Variants in AOPEP observed in about 807,000 individuals in gnomAD.
AOPEP encodes aminopeptidase O (putative), also known as aminopeptidase O.
AOPEP carries 77 observed loss-of-function variants against 98.1 expected under a neutral mutation model. The ratio of observed to expected loss-of-function variants is 0.78; its 90% CI spans 0.65 to 0.95. The LOEUF is 0.95. Among genes scored for constraint, AOPEP ranks in the 40% least tolerant of loss-of-function variants. The pLI is 0.00. For missense variants in AOPEP, 1,024 were observed against 1,024.7 expected (o/e 1.00, Z 0.01); for synonymous variants, 346 against 365.3 (o/e 0.95, Z 0.60).
intron 5 of AOPEP, among the ~76,000 whole-genome samples, chr9:94,856,113 G>A (rs12684154): frequency 0.071 from 10,783 of 152,228 alleles, 1,112 homozygotes; most frequent in African/African-American, 0.23. Flanking sequence ...CCCTGACCAC[G>A]AATGGCTGGG....
At chr9:94,856,138 G>A (rs2044181263) in intron 5 of AOPEP, among the ~76,000 whole-genome samples, 1 of 152,190 alleles carries the variant, frequency 6.6e-6, no homozygotes, top group South Asian at 2.1e-4. Flanking sequence ...TGCCATGTCT[G>A]TGCATTTGAC....
chr9:95,106,975 A>T, the AOPEP span: 1 of 1,258,482 alleles, frequency 7.9e-7, no homozygotes, highest in Non-Finnish European at 1.1e-6. Context: ...TGGTACACAC[A>T]CTGTGCAGAG....
chr9:94,884,118 T>C (rs891266275), intron 5 of AOPEP, among the ~76,000 whole-genome samples: 1 of 152,240 alleles, frequency 6.6e-6, no homozygotes, highest in African/African-American at 2.4e-5. Flanking sequence ...TCTGTCCTCA[T>C]CAGCACAAAG....
At chr9:94,808,481 G>A (rs891157269) in intron 5 of AOPEP, among the ~76,000 whole-genome samples, 11 of 152,116 alleles carry the variant, frequency 7.2e-5, no homozygotes, top group African/African-American at 4.8e-5. Flanking sequence ...GCACAAATCC[G>A]CCCTGATTTA....
At chr9:95,035,099 C>T (rs2064676540) in intron 13 of AOPEP, among the ~76,000 whole-genome samples, 1 of 151,708 alleles carries the variant, frequency 6.6e-6, no homozygotes, top group Non-Finnish European at 1.5e-5. Context: ...AGGTATTTCT[C>T]CTAATGCTAT....
intron 5 of AOPEP, among the ~76,000 whole-genome samples, chr9:94,832,888 G>A (rs958049761): frequency 6.6e-6 from 1 of 151,582 alleles, no homozygotes; most frequent in Admixed American, 6.6e-5. Flanking sequence ...GGTACAGATA[G>A]TAAGAGTTAG....
intron 5 of AOPEP, among the ~76,000 whole-genome samples, chr9:94,901,705 C>T (rs2050428660): frequency 6.6e-6 from 1 of 152,138 alleles, no homozygotes; most frequent in East Asian, 1.9e-4. Context: ...CTTTGGAAGG[C>T]TGAGGTGGGT....
intron 16 of AOPEP, among the ~76,000 whole-genome samples, chr9:95,084,656 T>C (rs2070380336): frequency 6.6e-6 from 1 of 152,214 alleles, no homozygotes; most frequent in Non-Finnish European, 1.5e-5. Context: ...CGCCACTCTT[T>C]ATGGGGAATT....
the AOPEP span, among the ~76,000 whole-genome samples, chr9:95,102,262 T>G: frequency 1.3e-5 from 2 of 152,204 alleles, no homozygotes; most frequent in African/African-American, 4.8e-5. Flanking sequence ...AACATGAGAA[T>G]TGGAAAATAC....
intron 7 of AOPEP, among the ~76,000 whole-genome samples, chr9:94,942,904 C>CAAAAAAAAAAAAAAAAAAAAAAAAA (rs35186299): frequency 1.2e-5 from 1 of 82,800 alleles, no homozygotes; most frequent in Non-Finnish European, 2.5e-5. Flanking sequence ...GAGTCTGTCT[C>CAAAAAAAAAAAAAAAAAAAAAAAAA]AAAAAAAAAA....
At chr9:94,994,091 TCTC>T (rs1459860038) in intron 11 of AOPEP, among the ~76,000 whole-genome samples, 1 of 152,208 alleles carries the variant, frequency 6.6e-6, no homozygotes, top group Non-Finnish European at 1.5e-5. Flanking sequence ...GAGACACACT[TCTC>T]CTTAAGATGC....
chr9:94,800,697 C>G, intron 4 of AOPEP, 60 bp from the exon 5 acceptor site: 1 of 1,587,240 alleles, frequency 6.3e-7, no homozygotes, highest in Non-Finnish European at 8.6e-7. Context: ...TGCAAGATTG[C>G]CTCACCTCCA....
intron 5 of AOPEP, among the ~76,000 whole-genome samples, chr9:94,850,212 T>C (rs2043380008): frequency 6.6e-6 from 1 of 151,836 alleles, no homozygotes; most frequent in South Asian, 2.1e-4. Flanking sequence ...AAAAAGTTAC[T>C]TTTTAGTTGG....
In AOPEP at chr9:94,760,314, GGTT is replaced by G; in HGVS notation, c.535_537del (p.Val179del). The G allele has an allele frequency of 6.2e-7, 1 of 1,614,118 alleles. No homozygotes were observed. Among genetic ancestry groups the G allele is most frequent in the East Asian group, 2.2e-5 (1 of 44,882 alleles). On this transcript the variant is annotated inframe_deletion, in exon 2 of 17. Transcript: ENST00000375315. ...AATTTACAAGGTCTCCTGAGCTCAC[GGTT>G]GTTTCTGAGGAGTTCAGGAATCAGA...
chr9:94,948,719 A>G (rs764419688), intron 7 of AOPEP, among the ~76,000 whole-genome samples: 3 of 152,186 alleles, frequency 2.0e-5, no homozygotes, highest in African/African-American at 7.2e-5. Flanking sequence ...CAGTTCCCAC[A>G]TAGCAGGGCT....
the AOPEP span, chr9:95,107,306 G>A: frequency 1.9e-6 from 3 of 1,598,098 alleles, no homozygotes; most frequent in African/African-American, 2.7e-5. Context: ...AGGTTAGGAA[G>A]AGGCAGGACA....
intron 14 of AOPEP, among the ~76,000 whole-genome samples, chr9:95,062,246 C>T (rs987652101): frequency 7.4e-5 from 5 of 67,590 alleles, no homozygotes; most frequent in East Asian, 3.7e-4. Flanking sequence ...CCCAGGCTAA[C>T]GGGGCAGATC....
At chr9:95,030,749 A>G (rs1025201625) in intron 13 of AOPEP, among the ~76,000 whole-genome samples, 1 of 152,238 alleles carries the variant, frequency 6.6e-6, no homozygotes, top group Non-Finnish European at 1.5e-5. Context: ...CCAGCTCCCC[A>G]TCATGACTTG....
At chr9:94,838,909 C>CTTTTTT (rs35849023) in intron 5 of AOPEP, among the ~76,000 whole-genome samples, 1,547 of 99,494 alleles carry the variant, frequency 0.016, 8 homozygotes, top group Non-Finnish European at 0.019. Flanking sequence ...AAATGCTATT[C>CTTTTTT]TTTTTTTTTT....
Sources: gnomAD v4.1 joint callset for allele counts (sites outside exome capture counted in the v4.1 genomes callset) on GRCh38, gnomAD v4.1.1 for gene constraint, MANE v1.5 for transcripts, NCBI Gene and HGNC (gene_info 2026-07-23, HGNC 2026-07-21) for gene names.